The following GRIK4 variants were observed in gnomAD, a reference collection of about 807,000 sequenced individuals.
GRIK4 encodes the protein glutamate receptor ionotropic, kainate 4.
GRIK4 carries 40 observed loss-of-function variants against 104.9 expected under a neutral mutation model. That is an observed-to-expected ratio of 0.38 (90% CI 0.30 to 0.50). The LOEUF (loss-of-function observed/expected upper bound fraction) is 0.50. GRIK4 is among the 20% of genes least tolerant of loss of function. The pLI, the probability that GRIK4 is intolerant of heterozygous loss-of-function variation, is 0.93. For synonymous variants in GRIK4, 485 were observed against 524.9 expected, an observed-to-expected ratio of 0.92 and a Z score of 1.04; for missense variants, 1,047 against 1,308.1, an observed-to-expected ratio of 0.80 and a Z score of 3.08.
chr11:120,665,252 T>G (rs1591783984), intron 3 of GRIK4, among the ~76,000 whole-genome samples: 1 of 152,182 alleles, frequency 6.6e-6, no homozygotes. Context: ...ACCATGGGTT[T>G]GTTTGAGCAG....
chr11:120,834,355 G>T (rs1565381473), intron 7 of GRIK4, among the ~76,000 whole-genome samples: 2 of 150,666 alleles, frequency 1.3e-5, no homozygotes, highest in African/African-American at 2.4e-5. Context: ...ATTAGCAAAT[G>T]GTTCTGCTCG....
chr11:120,666,287 G>A (rs1949912892), intron 3 of GRIK4, among the ~76,000 whole-genome samples: 1 of 152,228 alleles, frequency 6.6e-6, no homozygotes, highest in Admixed American at 6.5e-5. Context: ...CTTGCATAGA[G>A]GTGAGTGGTC....
intron 4 of GRIK4, among the ~76,000 whole-genome samples, chr11:120,808,333 A>T (rs948024): frequency 0.091 from 13,927 of 152,234 alleles, 837 homozygotes; most frequent in African/African-American, 0.17. Context: ...TGAAGATTAA[A>T]TGAGATGGTG....
intron 2 of GRIK4, among the ~76,000 whole-genome samples, chr11:120,659,805 C>T (rs996737640): frequency 6.6e-6 from 1 of 152,238 alleles, no homozygotes; most frequent in Admixed American, 6.5e-5. Flanking sequence ...AGCGCAACCT[C>T]GGCTCACTGC....
chr11:120,567,102 C>T (rs2135065160), intron 1 of GRIK4, among the ~76,000 whole-genome samples: 1 of 151,334 alleles, frequency 6.6e-6, no homozygotes, highest in African/African-American at 2.4e-5. Context: ...ATTCTCCTGC[C>T]TCAGTCTCCT....
intron 13 of GRIK4, among the ~76,000 whole-genome samples, chr11:120,919,651 G>A (rs777163677): frequency 6.6e-6 from 1 of 152,186 alleles, no homozygotes; most frequent in Non-Finnish European, 1.5e-5. Flanking sequence ...GATGGATGGC[G>A]TGGGAAAGAA....
chr11:120,630,280 C>G (rs1453504751), intron 1 of GRIK4, among the ~76,000 whole-genome samples: 1 of 152,252 alleles, frequency 6.6e-6, no homozygotes, highest in Admixed American at 6.5e-5. Context: ...AGCAGACAAA[C>G]CAGGCCTCCC....
At chr11:120,732,367 T>C (rs910494660) in intron 3 of GRIK4, among the ~76,000 whole-genome samples, 28 of 152,190 alleles carry the variant, frequency 1.8e-4, no homozygotes, top group African/African-American at 5.3e-4. Flanking sequence ...ACTCCTGACC[T>C]TGTGATCTGC....
At chr11:120,639,928 C>A (rs189415828) in intron 1 of GRIK4, among the ~76,000 whole-genome samples, 1 of 152,132 alleles carries the variant, frequency 6.6e-6, no homozygotes, top group Non-Finnish European at 1.5e-5. Context: ...ATCTTTGACC[C>A]GGATCCTATT....
chr11:120,732,629 G>A (rs1483115108), intron 3 of GRIK4, among the ~76,000 whole-genome samples: 1 of 151,996 alleles, frequency 6.6e-6, no homozygotes, highest in Non-Finnish European at 1.5e-5. Context: ...TTTATTTTCT[G>A]TGTGTTTATG....
intron 3 of GRIK4, among the ~76,000 whole-genome samples, chr11:120,662,921 GTTTTTCATTC>G (rs1303881999): frequency 6.6e-6 from 1 of 152,162 alleles, no homozygotes; most frequent in African/African-American, 2.4e-5. Flanking sequence ...TGTGATGGCT[GTTTTTCATTC>G]AAGTGAGGTA....
At chr11:120,787,255 G>T (rs1394701165) in intron 3 of GRIK4, among the ~76,000 whole-genome samples, 1 of 151,978 alleles carries the variant, frequency 6.6e-6, no homozygotes, top group African/African-American at 2.4e-5. Flanking sequence ...CTTGAGCCCG[G>T]GAAGCCAAGG....
intron 1 of GRIK4, among the ~76,000 whole-genome samples, chr11:120,538,045 G>C (rs1225006335): frequency 2.0e-5 from 3 of 152,224 alleles, no homozygotes; most frequent in African/African-American, 7.2e-5. Context: ...ATAAACAAAA[G>C]TGTGTCACAG....
At chr11:120,779,248 A>T (rs534519556) in intron 3 of GRIK4, among the ~76,000 whole-genome samples, 4 of 152,284 alleles carry the variant, frequency 2.6e-5, no homozygotes, top group Admixed American at 2.6e-4. Context: ...GCCAGGGCGA[A>T]GGAAGGTGAA....
intron 13 of GRIK4, among the ~76,000 whole-genome samples, chr11:120,923,435 C>T (rs1379831174): frequency 4.6e-5 from 5 of 108,838 alleles, no homozygotes; most frequent in East Asian, 3.0e-4. Context: ...TTTTTGGAGA[C>T]GGAGTCTCAC....
chr11:120,835,256 G>A (rs982893716), intron 7 of GRIK4, among the ~76,000 whole-genome samples: 3 of 152,180 alleles, frequency 2.0e-5, no homozygotes, highest in African/African-American at 7.2e-5. Context: ...TTACAGGCGC[G>A]GTGCCTCACG....
intron 13 of GRIK4, among the ~76,000 whole-genome samples, chr11:120,914,865 A>G (rs1943073713): frequency 6.6e-6 from 1 of 152,160 alleles, no homozygotes; most frequent in Non-Finnish European, 1.5e-5. Context: ...GACCAGATGC[A>G]GGTTTACTCA....
At chr11:120,873,776 G>C in intron 9 of GRIK4, 1 of 266,972 alleles carries the variant, frequency 3.7e-6, no homozygotes. Flanking sequence ...CTGGAGCAGA[G>C]AGAAAAGGGT....
intron 1 of GRIK4, among the ~76,000 whole-genome samples, chr11:120,548,429 C>T (rs943103072): frequency 3.3e-5 from 5 of 151,970 alleles, no homozygotes; most frequent in Non-Finnish European, 7.4e-5. Context: ...CCAGCAAAGG[C>T]ATGGTGGCCT....
Sources: gnomAD v4.1 joint callset for allele counts (sites outside exome capture counted in the v4.1 genomes callset) on GRCh38, gnomAD v4.1.1 for gene constraint, MANE v1.5 for transcripts, NCBI Gene and HGNC (gene_info 2026-07-23, HGNC 2026-07-21) for gene names.